Variants in ARB2A observed in about 807,000 individuals in gnomAD.
ARB2A encodes cotranscriptional regulator ARB2A.
At chr5:94,062,987 A>G in the ARB2A span, among the ~76,000 whole-genome samples, 2 of 152,232 alleles carry the variant, frequency 1.3e-5, no homozygotes, top group African/African-American at 4.8e-5. Flanking sequence ...GCACAAGCAA[A>G]GCATGCAATC....
At chr5:93,654,805 G>A in the ARB2A span, among the ~76,000 whole-genome samples, 415 of 152,142 alleles carry the variant, frequency 2.7e-3, 1 homozygote, top group Non-Finnish European at 4.4e-3. Context: ...CATTTTTCCC[G>A]TCTTATGCCT....
the ARB2A span, among the ~76,000 whole-genome samples, chr5:94,043,625 TAC>T: frequency 6.6e-6 from 1 of 152,192 alleles, no homozygotes; most frequent in Admixed American, 6.5e-5. Context: ...CCTCATACTT[TAC>T]CTACACAGTC....
At chr5:93,843,869 A>T in the ARB2A span, among the ~76,000 whole-genome samples, 10 of 152,170 alleles carry the variant, frequency 6.6e-5, no homozygotes, top group African/African-American at 2.4e-4. Flanking sequence ...AGAAAACAGA[A>T]AAAATAGAAG....
chr5:93,924,764 G>C, the ARB2A span, among the ~76,000 whole-genome samples: 4 of 152,222 alleles, frequency 2.6e-5, no homozygotes, highest in South Asian at 4.1e-4. Flanking sequence ...GGAGGGTCAG[G>C]GGGAGGGAAT....
chr5:93,852,553 G>C, the ARB2A span, among the ~76,000 whole-genome samples: 1 of 152,104 alleles, frequency 6.6e-6, no homozygotes, highest in African/African-American at 2.4e-5. Flanking sequence ...GAATGGTAAT[G>C]CCTAGGTTTT....
chr5:93,655,133 A>G, the ARB2A span, among the ~76,000 whole-genome samples: 2 of 152,250 alleles, frequency 1.3e-5, no homozygotes, highest in East Asian at 1.9e-4. Context: ...GTTCTTGAGG[A>G]CTCTATGAGA....
chr5:94,028,999 A>G, the ARB2A span, among the ~76,000 whole-genome samples: 8 of 151,482 alleles, frequency 5.3e-5, no homozygotes, highest in African/African-American at 1.9e-4. Context: ...GGGGGGAGGG[A>G]GTGTTTTGTT....
chr5:93,994,507 G>C, the ARB2A span, among the ~76,000 whole-genome samples: 1 of 152,170 alleles, frequency 6.6e-6, no homozygotes, highest in South Asian at 2.1e-4. Flanking sequence ...GCCAGGAGCT[G>C]TGGGAAAGAA....
chr5:93,981,613 C>T, the ARB2A span, among the ~76,000 whole-genome samples: 1 of 151,268 alleles, frequency 6.6e-6, no homozygotes. Context: ...TTTCTCAATC[C>T]CATAAGTTTG....
the ARB2A span, among the ~76,000 whole-genome samples, chr5:93,633,118 G>T: frequency 3.3e-5 from 5 of 152,190 alleles, no homozygotes; most frequent in Admixed American, 6.5e-5. Flanking sequence ...CACAGCCTGA[G>T]TCATCTTTGA....
the ARB2A span, among the ~76,000 whole-genome samples, chr5:94,036,637 C>A: frequency 6.6e-6 from 1 of 152,110 alleles, no homozygotes; most frequent in Non-Finnish European, 1.5e-5. Context: ...CCCACTGATG[C>A]ATTTGTAAGG....
the ARB2A span, among the ~76,000 whole-genome samples, chr5:93,663,670 G>C: frequency 1.3e-5 from 2 of 152,144 alleles, no homozygotes; most frequent in South Asian, 2.1e-4. Context: ...GGGCTTTGGT[G>C]GTGAGAGGCA....
the ARB2A span, among the ~76,000 whole-genome samples, chr5:94,102,877 GA>G: frequency 6.6e-6 from 1 of 152,060 alleles, no homozygotes; most frequent in Admixed American, 6.6e-5. Flanking sequence ...CATTCTTAAA[GA>G]AAGGAAATTC....
At chr5:93,637,308 G>A in the ARB2A span, among the ~76,000 whole-genome samples, 5 of 140,638 alleles carry the variant, frequency 3.6e-5, no homozygotes, top group African/African-American at 1.3e-4. Flanking sequence ...ACCACAGCTT[G>A]TTTAACCATA....
chr5:93,787,433 A>G, the ARB2A span, among the ~76,000 whole-genome samples: 687 of 152,276 alleles, frequency 4.5e-3, 3 homozygotes, highest in Non-Finnish European at 6.4e-3. Flanking sequence ...TCTGTGTATA[A>G]TATTTATTTT....
At chr5:93,624,120 G>T in the ARB2A span, among the ~76,000 whole-genome samples, 1 of 152,212 alleles carries the variant, frequency 6.6e-6, no homozygotes, top group South Asian at 2.1e-4. Context: ...TAAGTGGGAT[G>T]CTTTTTATTA....
the ARB2A span, among the ~76,000 whole-genome samples, chr5:94,012,632 C>T: frequency 3.3e-5 from 5 of 152,216 alleles, no homozygotes; most frequent in African/African-American, 9.6e-5. Flanking sequence ...CATCAGGGAG[C>T]GACTCAAGAG....
At chr5:94,048,051 C>T in the ARB2A span, among the ~76,000 whole-genome samples, 19 of 96,080 alleles carry the variant, frequency 2.0e-4, no homozygotes, top group Admixed American at 7.5e-4. Flanking sequence ...AATCGGTAAG[C>T]TTTTTTTTTT....
chr5:93,786,506 A>C, the ARB2A span, among the ~76,000 whole-genome samples: 1 of 152,254 alleles, frequency 6.6e-6, no homozygotes, highest in Non-Finnish European at 1.5e-5. Context: ...TTATTATTAC[A>C]GGTGAGGAAT....
Sources: allele counts gnomAD v4.1 joint callset (sites outside exome capture counted in the v4.1 genomes callset), GRCh38; gene constraint gnomAD v4.1.1; transcripts MANE v1.5; gene names NCBI Gene and HGNC (gene_info 2026-07-23, HGNC 2026-07-21).